Variants in PLPPR1 observed in about 807,000 individuals in gnomAD.
PLPPR1 encodes the protein phospholipid phosphatase related 1.
In PLPPR1, 10 loss-of-function variants were observed where a neutral mutation model predicts 33.1. That is an observed-to-expected ratio of 0.30 (90% CI 0.19 to 0.51). The LOEUF (loss-of-function observed/expected upper bound fraction) is 0.51. Among genes scored for constraint, PLPPR1 ranks in the 20% least tolerant of loss-of-function variants. PLPPR1 has a pLI of 0.97. For missense variants in PLPPR1, 304 were observed against 408.1 expected, an observed-to-expected ratio of 0.74 and a Z score of 2.20; for synonymous variants, 151 against 151.0, an observed-to-expected ratio of 1.00 and a Z score of 0.00.
At chr9:101,278,556 G>T (rs1000493766) in intron 3 of PLPPR1, among the ~76,000 whole-genome samples, 1 of 152,156 alleles carries the variant, frequency 6.6e-6, no homozygotes, top group African/African-American at 2.4e-5. Flanking sequence ...TCACAACATT[G>T]AGAGAGACAC....
At chr9:101,264,447 A>C (rs374561067) in intron 2 of PLPPR1, among the ~76,000 whole-genome samples, 1 of 151,952 alleles carries the variant, frequency 6.6e-6, no homozygotes, top group Non-Finnish European at 1.5e-5. Context: ...TCCTTCTATC[A>C]AGTCCCCTCC....
intron 1 of PLPPR1, among the ~76,000 whole-genome samples, chr9:101,063,481 G>C (rs917764573): frequency 3.3e-5 from 5 of 152,068 alleles, no homozygotes; most frequent in African/African-American, 1.2e-4. Context: ...TACATGCAAG[G>C]GAGAAGGAGG....
chr9:101,074,294 A>G (rs895542440), intron 1 of PLPPR1, among the ~76,000 whole-genome samples: 1 of 152,182 alleles, frequency 6.6e-6, no homozygotes, highest in African/African-American at 2.4e-5. Context: ...TTCCTCAGTT[A>G]TTAGAAATAG....
intron 1 of PLPPR1, among the ~76,000 whole-genome samples, chr9:101,040,346 A>G (rs953543366): frequency 3.3e-5 from 5 of 152,150 alleles, no homozygotes; most frequent in Non-Finnish European, 5.9e-5. Context: ...AATCCCAGCC[A>G]CTTACTCAGT....
At chr9:101,088,840 TA>T (rs1830709714) in intron 1 of PLPPR1, among the ~76,000 whole-genome samples, 1 of 152,158 alleles carries the variant, frequency 6.6e-6, no homozygotes, top group African/African-American at 2.4e-5. Context: ...ATTCCATGTC[TA>T]AAAATCTCCT....
chr9:101,264,770 A>G (rs538190150), intron 2 of PLPPR1, among the ~76,000 whole-genome samples: 80 of 152,262 alleles, frequency 5.3e-4, no homozygotes, highest in Non-Finnish European at 1.0e-3. Flanking sequence ...GTTTGTGTTT[A>G]GTCACCCCAG....
chr9:101,268,728 CA>C (rs1178993373), intron 2 of PLPPR1, among the ~76,000 whole-genome samples: 1 of 152,170 alleles, frequency 6.6e-6, no homozygotes, highest in Non-Finnish European at 1.5e-5. Context: ...ATATGTACTT[CA>C]AAATACAAAC....
intron 2 of PLPPR1, among the ~76,000 whole-genome samples, chr9:101,229,351 A>G (rs1340232225): frequency 1.3e-5 from 2 of 152,066 alleles, no homozygotes; most frequent in Non-Finnish European, 2.9e-5. Flanking sequence ...CCTGTAGCCA[A>G]TTTTGGGGCC....
intron 1 of PLPPR1, among the ~76,000 whole-genome samples, chr9:101,113,127 A>C (rs1023694552): frequency 6.6e-6 from 1 of 152,188 alleles, no homozygotes; most frequent in Non-Finnish European, 1.5e-5. Flanking sequence ...TCAGGAGGTC[A>C]TAGAATGGTA....
chr9:101,258,031 A>C (rs1258633527), intron 2 of PLPPR1, among the ~76,000 whole-genome samples: 1 of 152,166 alleles, frequency 6.6e-6, no homozygotes, highest in Non-Finnish European at 1.5e-5. Flanking sequence ...GGGAAAGGCT[A>C]AAAGCCACAC....
intron 2 of PLPPR1, among the ~76,000 whole-genome samples, chr9:101,236,536 T>TCACACACACACACA (rs60508436): frequency 0.012 from 1,759 of 148,674 alleles, 18 homozygotes; most frequent in Middle Eastern, 0.062. Flanking sequence ...CTCTCTAAAC[T>TCACACACACACACA]CACACACACA....
At chr9:101,319,927 T>A (rs1297236474) in intron 7 of PLPPR1, among the ~76,000 whole-genome samples, 1 of 152,174 alleles carries the variant, frequency 6.6e-6, no homozygotes, top group Admixed American at 6.5e-5. Flanking sequence ...GCACACCTCA[T>A]CCTTCCACCC....
chr9:101,142,927 C>T (rs1391380327), intron 1 of PLPPR1, among the ~76,000 whole-genome samples: 1 of 151,934 alleles, frequency 6.6e-6, no homozygotes, highest in East Asian at 1.9e-4. Flanking sequence ...AGTGGGTTGG[C>T]CTGAGGGTAT....
At chr9:101,212,739 A>G (rs1299301189) in intron 2 of PLPPR1, among the ~76,000 whole-genome samples, 1 of 152,170 alleles carries the variant, frequency 6.6e-6, no homozygotes, top group African/African-American at 2.4e-5. Context: ...TTCTTTGAAT[A>G]TGGTAGACAT....
intron 3 of PLPPR1, among the ~76,000 whole-genome samples, chr9:101,278,009 A>G (rs1383089713): frequency 2.6e-5 from 4 of 152,198 alleles, no homozygotes; most frequent in Admixed American, 1.3e-4. Context: ...GAGAGCTGAG[A>G]TTTCAACTCC....
intron 1 of PLPPR1, among the ~76,000 whole-genome samples, chr9:101,072,203 G>A (rs899571453): frequency 6.6e-6 from 1 of 152,112 alleles, no homozygotes; most frequent in African/African-American, 2.4e-5. Context: ...CACTGCAGAT[G>A]TTTCTGGTTG....
intron 3 of PLPPR1, among the ~76,000 whole-genome samples, chr9:101,284,537 A>C (rs534470238): frequency 1.3e-5 from 2 of 152,216 alleles, no homozygotes; most frequent in Non-Finnish European, 2.9e-5. Flanking sequence ...ATAACTATGT[A>C]AGATCATGCA....
intron 1 of PLPPR1, among the ~76,000 whole-genome samples, chr9:101,116,739 G>A (rs957703528): frequency 6.6e-6 from 1 of 151,532 alleles, no homozygotes; most frequent in African/African-American, 2.4e-5. Flanking sequence ...AAGCTGGGAG[G>A]TGGAGGTTGC....
At chr9:101,231,817 C>A (rs552804527) in intron 2 of PLPPR1, among the ~76,000 whole-genome samples, 3 of 152,138 alleles carry the variant, frequency 2.0e-5, no homozygotes, top group Non-Finnish European at 4.4e-5. Flanking sequence ...CTTCCTGTTG[C>A]TGTATGCAGC....
Sources: allele counts gnomAD v4.1 joint callset (sites outside exome capture counted in the v4.1 genomes callset), GRCh38; gene constraint gnomAD v4.1.1; transcripts MANE v1.5; gene names NCBI Gene and HGNC (gene_info 2026-07-23, HGNC 2026-07-21).